Variants in CAPN2 observed in about 807,000 individuals in gnomAD.
CAPN2 encodes the protein calpain-2 catalytic subunit.
In CAPN2, 92 loss-of-function variants were observed where a neutral mutation model predicts 102.3. The ratio of observed to expected loss-of-function variants is 0.90; its 90% CI spans 0.76 to 1.07. The LOEUF is 1.07. CAPN2 is among the 50% of genes least tolerant of loss of function. The probability of loss-of-function intolerance (pLI) is 0.00; values close to 1 mark genes in which losing one functional copy is unlikely to be tolerated. For synonymous variants in CAPN2, 340 were observed against 355.4 expected (o/e 0.96, Z 0.49); for missense variants, 800 against 909.4 (o/e 0.88, Z 1.55).
chr1:223,752,146 G>C (rs1232702289), intron 8 of CAPN2, 75 bp downstream of exon 8: 3 of 1,043,720 alleles, frequency 2.9e-6, no homozygotes, highest in Non-Finnish European at 4.4e-6. Flanking sequence ...TAATTAGAAA[G>C]AGTGTCGGCC....
At position 223,725,028 on chromosome 1, in the gene CAPN2, A is replaced by G. The variant is rs1356918654; in HGVS notation, c.307+7197A>G. Among the ~76,000 whole-genome samples, 1 of 152,202 alleles carries G rather than the reference A, an allele frequency of 6.6e-6. No individual in the cohort carries two copies. The highest frequency in any genetic ancestry group is 1.5e-5 in the Non-Finnish European group (1 of 68,032). On this transcript the variant is annotated intron_variant, in intron 2 of 20. Coordinates refer to ENST00000295006, the MANE Select transcript of CAPN2 (RefSeq NM_001748.5). The surrounding 1 kb of genome is among the most constrained non-coding windows in gnomAD (Gnocchi z 4.1). ...ACATCTGTAAATATCAGGGTAGCGA[A>G]TGAGGACTTGGTGTCTGGCAGTTAG... is the stretch of plus-strand genomic sequence containing the variant.
At chr1:223,757,057 A>G (rs891685155) in intron 10 of CAPN2, among the ~76,000 whole-genome samples, 2 of 152,160 alleles carry the variant, frequency 1.3e-5, no homozygotes, top group Non-Finnish European at 2.9e-5. Context: ...CTCCTCCAAC[A>G]GGGCCCGCCT....
intron 16 of CAPN2, among the ~76,000 whole-genome samples, chr1:223,767,515 G>A (rs1661368877): frequency 6.6e-6 from 1 of 150,838 alleles, no homozygotes; most frequent in Non-Finnish European, 1.5e-5. Flanking sequence ...CAAAGGACAT[G>A]AACTCATCAT....
At position 223,756,854 on chromosome 1, in the gene CAPN2, A is replaced by G. The variant is rs1237383386; in HGVS notation, c.1306-515A>G. On this transcript the variant is annotated intron_variant, in intron 10 of 20. Coordinates refer to ENST00000295006, the MANE Select transcript of CAPN2 (RefSeq NM_001748.5). The surrounding 1 kb of genome is among the most constrained non-coding windows in gnomAD (Gnocchi z 4.1). ...CCCTCCCACCGGCTTATGGGCTTGG[A>G]AATGCAGCCACGGGCTTTCAGAGTT... Among the ~76,000 whole-genome samples the G allele has an allele frequency of 6.6e-6, 1 of 152,204 alleles. No individual in the cohort carries two copies. The highest frequency in any genetic ancestry group is 2.1e-4 in the South Asian group (1 of 4,830).
upstream of CAPN2, among the ~76,000 whole-genome samples, chr1:223,708,890 AAAGAG>A (rs1193702900): frequency 6.6e-6 from 1 of 151,940 alleles, no homozygotes; most frequent in Admixed American, 6.6e-5. Context: ...AAAAGAAAGA[AAAGAG>A]AAGAGAAAAG....
At position 223,750,906 on chromosome 1, in the gene CAPN2, GC is replaced by G. The variant is rs1266078207; in HGVS notation, c.832del (p.Leu278TyrfsTer4). 6.4e-7 allele frequency: 1 copy of G among 1,552,226 alleles called. No homozygotes were observed. Among genetic ancestry groups the G allele is most frequent in the East Asian group, 2.4e-5 (1 of 41,016 alleles). ...ATCCTGCAGGTTGAAAGTAACGGAA[GC>G]CTACAGAAACTGATCCGCATCCGAA... ...TGAEEVESNGSLQKLIRIRNP... is the reference protein window; with the variant it reads ...TGAEEVESNGXLQKLIRIRNP... On this transcript the variant is annotated frameshift_variant, in exon 7 of 21. Coordinates refer to ENST00000295006, the MANE Select transcript of CAPN2 (RefSeq NM_001748.5). LOFTEE classifies it high-confidence loss of function.
chr1:223,774,686 G>C, intron 20 of CAPN2, 148 bp from the exon 21 acceptor site: 1 of 678,102 alleles, frequency 1.5e-6, no homozygotes, highest in Non-Finnish European at 2.6e-6. Flanking sequence ...TAGAAATCAG[G>C]TAAGAAAAAT....
At chr1:223,748,084 C>T (rs1660789669) in intron 5 of CAPN2, among the ~76,000 whole-genome samples, 2 of 152,192 alleles carry the variant, frequency 1.3e-5, no homozygotes. Context: ...ACCTTCCCCT[C>T]CATCTGCAGT....
Position 223,755,536 on chromosome 1 carries a change from G to A in CAPN2, c.1192G>A (p.Glu398Lys), listed in dbSNP as rs368366230. ...CAAGCTGGAGGAGGAGGATGAGGAC[G>A]AGGAGGATGGGGAGAGCGGCTGCAC... Reference protein sequence around the residue: ...LIKLEEEDEDEEDGESGCTFL... With the variant: ...LIKLEEEDEDKEDGESGCTFL... Residue 398 changes from glutamate (E) to lysine (K), a missense_variant, in exon 10 of 21, where the codon GAG (glutamate) becomes AAG (lysine). Glu to Lys is a moderately conservative substitution (Grantham distance 56, BLOSUM62 1). Coordinates refer to ENST00000295006, the MANE Select transcript of CAPN2 (RefSeq NM_001748.5). The surrounding 1 kb of genome is among the most constrained non-coding windows in gnomAD (Gnocchi z 4.1). 69 of 1,614,048 alleles carry A rather than the reference G, an allele frequency of 4.3e-5. No individual in the cohort carries two copies. Among genetic ancestry groups the A allele is most frequent in the Non-Finnish European group, 5.3e-5 (63 of 1,180,022 alleles).
chr1:223,705,197 C>A (rs140891900), intron 1 of CAPN2, among the ~76,000 whole-genome samples: 2 of 152,174 alleles, frequency 1.3e-5, no homozygotes, highest in Non-Finnish European at 2.9e-5. Context: ...AGAAATGGAA[C>A]GGGGCAAAGT....
chr1:223,719,360 A>T (rs1659966461), intron 2 of CAPN2, among the ~76,000 whole-genome samples: 1 of 152,094 alleles, frequency 6.6e-6, no homozygotes, highest in Admixed American at 6.5e-5. Flanking sequence ...AACATGGTCA[A>T]ACCCTGTCTC....
At chr1:223,711,921 A>G (rs1171958010), upstream of CAPN2, among the ~76,000 whole-genome samples, 1 of 152,166 alleles carries the variant, frequency 6.6e-6, no homozygotes, top group East Asian at 1.9e-4. Context: ...TGACAACCCT[A>G]TCTATAATCA....
chr1:223,767,296 G>C (rs922807561), intron 16 of CAPN2, among the ~76,000 whole-genome samples: 1 of 151,018 alleles, frequency 6.6e-6, no homozygotes, highest in African/African-American at 2.4e-5. Flanking sequence ...CCACTAACTC[G>C]TCATCTAGCA....
chr1:223,717,778 C>T lies in CAPN2; in HGVS notation c.254C>T (p.Pro85Leu). The change falls in exon 2 of 21, where the codon CCC becomes CTC. Residue 85 changes from proline (P) to leucine (L), a missense_variant. Physicochemically the swap from Pro to Leu is moderately conservative, Grantham distance 98. Coordinates refer to ENST00000295006, the MANE Select transcript of CAPN2 (RefSeq NM_001748.5). ...WKRPTEICAD[P>L]QFIIGGATRT... ...CGTTCCCAGGAGATCTGCGCTGACCCCCAGTTTATCATTGGAGGAGCCACC... is the reference window on the plus strand; with the variant it reads ...CGTTCCCAGGAGATCTGCGCTGACCTCCAGTTTATCATTGGAGGAGCCACC... 6.2e-7 allele frequency: 1 copy of T among 1,614,116 alleles called. No homozygotes were observed. Among genetic ancestry groups the T allele is most frequent in the Non-Finnish European group, 8.5e-7 (1 of 1,179,966 alleles).
chr1:223,730,339 A>ATT (rs59202117), intron 2 of CAPN2, among the ~76,000 whole-genome samples: 37 of 56,680 alleles, frequency 6.5e-4, no homozygotes, highest in East Asian at 1.2e-3. Flanking sequence ...ATATTATGAG[A>ATT]TTTTTTTTTT....
chr1:223,728,342 G>A (rs979937832), intron 2 of CAPN2, among the ~76,000 whole-genome samples: 3 of 152,148 alleles, frequency 2.0e-5, no homozygotes, highest in African/African-American at 7.2e-5. Context: ...CAGGGGTCCA[G>A]GGATCTCTGT....
chr1:223,708,352 A>T (rs1416657898), upstream of CAPN2, among the ~76,000 whole-genome samples: 1 of 151,654 alleles, frequency 6.6e-6, no homozygotes, highest in African/African-American at 2.4e-5. Flanking sequence ...TTGAACCGGG[A>T]GGCGGAGGTT....
At chr1:223,766,486 C>A in intron 16 of CAPN2, 55 bp downstream of exon 16, 2 of 1,343,748 alleles carry the variant, frequency 1.5e-6, no homozygotes, top group Non-Finnish European at 2.1e-6. Flanking sequence ...AAATCTCACT[C>A]CAGAAAGATT....
chr1:223,728,101 A>G (rs529722558), intron 2 of CAPN2, among the ~76,000 whole-genome samples: 42 of 151,348 alleles, frequency 2.8e-4, no homozygotes, highest in African/African-American at 9.7e-4. Context: ...CCCAAGCACA[A>G]GCTCCCTGTT....
Sources: gnomAD v4.1 joint callset for allele counts (sites outside exome capture counted in the v4.1 genomes callset) on GRCh38, gnomAD v4.1.1 for gene constraint, Gnocchi (gnomAD v3.1) non-coding constraint, MANE v1.5 for transcripts, NCBI Gene and HGNC (gene_info 2026-07-23, HGNC 2026-07-21) for gene names.